RNFT2: variants seen among roughly 807,000 people sequenced by gnomAD.
RNFT2 encodes E3 ubiquitin-protein ligase RNFT2.
RNFT2 carries 36 observed loss-of-function variants against 53.0 expected under a neutral mutation model. The observed-to-expected ratio is 0.68, with a 90% confidence interval of 0.52 to 0.90. RNFT2 has a LOEUF of 0.90. Ranked by LOEUF, RNFT2 falls within the 40% of genes least tolerant of loss-of-function variation. RNFT2 has a pLI of 0.00. For missense variants in RNFT2, 514 were observed against 585.6 expected, an observed-to-expected ratio of 0.88 and a Z score of 1.26; for synonymous variants, 260 against 253.2, an observed-to-expected ratio of 1.03 and a Z score of -0.26.
At chr12:116,799,378 G>T (rs1458378853) in intron 7 of RNFT2, among the ~76,000 whole-genome samples, 1 of 152,206 alleles carries the variant, frequency 6.6e-6, no homozygotes, top group African/African-American at 2.4e-5. Flanking sequence ...AAGGGTAACT[G>T]ATTAGTAACC....
chr12:116,811,444 C>G (rs11830125), intron 7 of RNFT2, among the ~76,000 whole-genome samples: 1 of 151,220 alleles, frequency 6.6e-6, no homozygotes, highest in East Asian at 2.0e-4. Context: ...GGGGCCATCT[C>G]GGCTCACTGC....
At chr12:116,848,172 G>A (rs1877714036) in intron 10 of RNFT2, among the ~76,000 whole-genome samples, 2 of 152,138 alleles carry the variant, frequency 1.3e-5, no homozygotes, top group African/African-American at 4.8e-5. Context: ...CAAAGGACAT[G>A]ATCTCGTTCC....
intron 7 of RNFT2, among the ~76,000 whole-genome samples, chr12:116,790,954 C>A (rs1283783214): frequency 6.6e-6 from 1 of 152,136 alleles, no homozygotes; most frequent in African/African-American, 2.4e-5. Context: ...GAGGGAGACC[C>A]TGTCTGAAAA....
intron 7 of RNFT2, among the ~76,000 whole-genome samples, chr12:116,820,898 A>T (rs1875978894): frequency 6.6e-6 from 1 of 151,936 alleles, no homozygotes. Flanking sequence ...TCATCACTAA[A>T]CTAGAAGCCA....
chr12:116,824,482 T>G (rs141562865), intron 7 of RNFT2, among the ~76,000 whole-genome samples: 2,939 of 152,262 alleles, frequency 0.019, 52 homozygotes, highest in Middle Eastern at 0.034. Context: ...AGCCCGAGCC[T>G]GGGAGTATGA....
intron 4 of RNFT2, among the ~76,000 whole-genome samples, chr12:116,750,864 T>TTAC: frequency 3.6e-4 from 1 of 2,780 alleles, no homozygotes; most frequent in East Asian, 0.042. Context: ...ATATATTATA[T>TTAC]ATATATAATA....
intron 10 of RNFT2, among the ~76,000 whole-genome samples, chr12:116,841,995 C>T (rs1877366662): frequency 7.6e-6 from 1 of 131,934 alleles, no homozygotes; most frequent in African/African-American, 2.8e-5. Context: ...AGGGAGGATC[C>T]AGGTACAACT....
chr12:116,738,849 T>A (rs1256448377), intron 1 of RNFT2, among the ~76,000 whole-genome samples: 1 of 152,152 alleles, frequency 6.6e-6, no homozygotes, highest in Non-Finnish European at 1.5e-5. Context: ...GGAATATGAA[T>A]TTTATTTTCC....
chr12:116,803,606 T>C (rs1874908554), intron 7 of RNFT2, among the ~76,000 whole-genome samples: 1 of 152,206 alleles, frequency 6.6e-6, no homozygotes, highest in Admixed American at 6.5e-5. Context: ...TCACCCAACA[T>C]TCTTTTCAGC....
chr12:116,779,099 C>T (rs1873569413), intron 6 of RNFT2, 96 bp from the exon 7 acceptor site: 1 of 1,326,906 alleles, frequency 7.5e-7, no homozygotes, highest in Non-Finnish European at 1.1e-6. Context: ...AGCGCTCTTT[C>T]TACAGGTGAT....
At chr12:116,813,192 C>G (rs1875473187) in intron 7 of RNFT2, among the ~76,000 whole-genome samples, 1 of 152,064 alleles carries the variant, frequency 6.6e-6, no homozygotes, top group African/African-American at 2.4e-5. Context: ...CTCTTGGTCT[C>G]AAGCGATCCA....
intron 7 of RNFT2, among the ~76,000 whole-genome samples, chr12:116,806,424 A>AGATAGATG (rs1875082498): frequency 6.6e-6 from 1 of 151,508 alleles, no homozygotes; most frequent in Non-Finnish European, 1.5e-5. Context: ...ATAGATAGAT[A>AGATAGATG]GATAGATTCA....
chr12:116,778,116 C>T (rs766309887), intron 6 of RNFT2, among the ~76,000 whole-genome samples: 10 of 152,150 alleles, frequency 6.6e-5, no homozygotes, highest in Non-Finnish European at 1.2e-4. Flanking sequence ...TCTTCCTCCC[C>T]CTTTCTTTTC....
intron 7 of RNFT2, among the ~76,000 whole-genome samples, chr12:116,790,609 T>C (rs1020659356): frequency 6.6e-6 from 1 of 152,174 alleles, no homozygotes; most frequent in Admixed American, 6.5e-5. Context: ...ATGAGGGAAA[T>C]GCTGTTGTCT....
rs1872788159 is a variant in RNFT2, at chr12:116,763,728, G to A, written c.628-3086G>A. Among the ~76,000 whole-genome samples, 4 of 149,358 alleles carry A rather than the reference G, an allele frequency of 2.7e-5. No homozygotes were observed. In the South Asian group the frequency reaches 8.9e-4, roughly 33 times the overall value. On this transcript the variant is annotated intron_variant, in intron 5 of 10. Coordinates refer to ENST00000257575, the MANE Select transcript of RNFT2 (RefSeq NM_001382266.1). Reference sequence around the variant, plus strand: ...TGGGAGTTGGAACTTGCAGTGAGCCGAGATCGCGCCACTGCACTCCAGCCT... The same window carrying A: ...TGGGAGTTGGAACTTGCAGTGAGCCAAGATCGCGCCACTGCACTCCAGCCT...
intron 7 of RNFT2, among the ~76,000 whole-genome samples, chr12:116,819,050 C>G (rs1219419633): frequency 2.0e-5 from 3 of 152,202 alleles, no homozygotes; most frequent in Admixed American, 1.3e-4. Flanking sequence ...TCCTTTATCC[C>G]TCTGATCCCG....
intron 7 of RNFT2, among the ~76,000 whole-genome samples, chr12:116,784,278 G>A (rs1241974391): frequency 5.9e-5 from 9 of 152,250 alleles, no homozygotes; most frequent in African/African-American, 2.2e-4. Context: ...CTCACGGTCT[G>A]TGGTAGGCAG....
At chr12:116,811,986 G>A (rs559341518) in intron 7 of RNFT2, among the ~76,000 whole-genome samples, 32 of 152,244 alleles carry the variant, frequency 2.1e-4, no homozygotes, top group Non-Finnish European at 3.8e-4. Flanking sequence ...TGAGTTCACC[G>A]GGTCAAACTC....
intron 7 of RNFT2, among the ~76,000 whole-genome samples, chr12:116,782,657 C>T (rs1873765930): frequency 6.6e-6 from 1 of 152,298 alleles, no homozygotes; most frequent in Non-Finnish European, 1.5e-5. Flanking sequence ...TACCATGGGT[C>T]AATGCTATTC....
Sources: allele counts gnomAD v4.1 joint callset (sites outside exome capture counted in the v4.1 genomes callset), GRCh38; gene constraint gnomAD v4.1.1; transcripts MANE v1.5; gene names NCBI Gene and HGNC (gene_info 2026-07-23, HGNC 2026-07-21).